Variants in KCTD9 observed in about 807,000 individuals in gnomAD.
The protein encoded by KCTD9 is potassium channel tetramerization domain containing 9.
In KCTD9, 17 loss-of-function variants were observed where a neutral mutation model predicts 53.3. The ratio of observed to expected loss-of-function variants is 0.32; its 90% CI spans 0.22 to 0.48. The LOEUF (loss-of-function observed/expected upper bound fraction) is 0.48, where lower values mean the gene tolerates loss of function less well. Ranked by LOEUF, KCTD9 falls within the 20% of genes least tolerant of loss-of-function variation. KCTD9 has a pLI of 0.99. For synonymous variants in KCTD9, 128 were observed against 162.7 expected, an observed-to-expected ratio of 0.79 and a Z score of 1.62; for missense variants, 179 against 465.5, an observed-to-expected ratio of 0.38 and a Z score of 5.66.
At position 25,428,030 on chromosome 8, in the gene KCTD9, CA is replaced by C. The variant is rs1274473091; in HGVS notation, c.*1826del. On this transcript the variant is annotated 3_prime_UTR_variant, in exon 12 of 12. Coordinates refer to ENST00000221200, the MANE Select transcript of KCTD9 (RefSeq NM_017634.4). ...AGGAAGAGAAGAAACTCCTTTTCAA[CA>C]AACACTTTATATCATTTATTAATGC... 1 of 152,430 alleles carries C rather than the reference CA, an allele frequency of 6.6e-6. No homozygotes were observed. Among genetic ancestry groups the C allele is most frequent in the Non-Finnish European group, 1.5e-5 (1 of 67,998 alleles). 9.4% of individuals were successfully genotyped at this position (152,430 alleles called of 1,614,324 possible).
intron 3 of KCTD9, among the ~76,000 whole-genome samples, chr8:25,441,398 A>G (rs1802119045): frequency 6.6e-6 from 1 of 152,174 alleles, no homozygotes; most frequent in Non-Finnish European, 1.5e-5. Context: ...AAATGTTAAT[A>G]CAAAAGTGTT....
rs1801949347 is a variant in KCTD9, at chr8:25,432,490, G to A, written c.1053+14C>T. 1 of 1,608,180 alleles carries A rather than the reference G, an allele frequency of 6.2e-7. No homozygotes were observed. Among genetic ancestry groups the A allele is most frequent in the Non-Finnish European group, 8.5e-7 (1 of 1,177,500 alleles). ...CTAGAGTAATAAAAATTCTTAAAGT[G>A]TTGGTGAACTCACCTCTAAATCAGT... On this transcript the variant is annotated intron_variant, in intron 11 of 11. Transcript: ENST00000221200.
chr8:25,450,858 A>AG (rs1041085611), intron 1 of KCTD9, among the ~76,000 whole-genome samples: 3 of 152,188 alleles, frequency 2.0e-5, no homozygotes, highest in Non-Finnish European at 4.4e-5. Flanking sequence ...TTTTGTAATA[A>AG]GGGGGGAAGT....
At chr8:25,438,044 C>G (rs968196385) in intron 6 of KCTD9, among the ~76,000 whole-genome samples, 5 of 151,894 alleles carry the variant, frequency 3.3e-5, no homozygotes, top group Non-Finnish European at 5.9e-5. Flanking sequence ...AAAATGAATC[C>G]AGCAGAGAGC....
chr8:25,445,941 C>G, intron 2 of KCTD9, 188 bp downstream of exon 2: 1 of 577,492 alleles, frequency 1.7e-6, no homozygotes. Flanking sequence ...CTGAAATGTA[C>G]TAAGGGTTTT....
intron 1 of KCTD9, among the ~76,000 whole-genome samples, chr8:25,449,436 G>A (rs924248178): frequency 6.6e-6 from 1 of 152,106 alleles, no homozygotes; most frequent in African/African-American, 2.4e-5. Flanking sequence ...ATAGATGCAA[G>A]TTGAATGCAC....
intron 2 of KCTD9, 103 bp downstream of exon 2, chr8:25,446,026 A>G (rs1384437931): frequency 2.8e-6 from 4 of 1,449,206 alleles, no homozygotes; most frequent in Non-Finnish European, 3.7e-6. Flanking sequence ...ACTTGCCAAA[A>G]TCCTGTACTC....
intron 6 of KCTD9, among the ~76,000 whole-genome samples, chr8:25,438,489 G>A (rs1211360593): frequency 1.3e-5 from 2 of 152,150 alleles, no homozygotes; most frequent in South Asian, 4.1e-4. Flanking sequence ...TAAAATTTTA[G>A]ATACCCAGGT....
chr8:25,439,035 G>C (rs936605199), intron 6 of KCTD9, among the ~76,000 whole-genome samples: 9 of 152,148 alleles, frequency 5.9e-5, no homozygotes, highest in Non-Finnish European at 1.2e-4. Context: ...TGATGCGTAT[G>C]GCTTACATAT....
At chr8:25,445,298 C>G (rs369043890) in intron 2 of KCTD9, among the ~76,000 whole-genome samples, 1 of 152,122 alleles carries the variant, frequency 6.6e-6, no homozygotes, top group African/African-American at 2.4e-5. Context: ...ACAGGTAATT[C>G]GTTTCCTCAT....
chr8:25,454,288 C>T (rs1266855557), intron 1 of KCTD9, among the ~76,000 whole-genome samples: 1 of 152,204 alleles, frequency 6.6e-6, no homozygotes, highest in Non-Finnish European at 1.5e-5. Flanking sequence ...ACCCTGTTTG[C>T]CATGTTTGGC....
intron 9 of KCTD9, among the ~76,000 whole-genome samples, chr8:25,434,296 C>T (rs1365563094): frequency 2.0e-5 from 3 of 152,218 alleles, no homozygotes; most frequent in East Asian, 1.9e-4. Flanking sequence ...GACGGGGTTT[C>T]GCCATGTTGG....
At chr8:25,445,422 C>A (rs1004569273) in intron 2 of KCTD9, among the ~76,000 whole-genome samples, 5 of 152,120 alleles carry the variant, frequency 3.3e-5, no homozygotes, top group African/African-American at 1.2e-4. Context: ...GTTAAAGCAT[C>A]ATTATCTTCA....
At chr8:25,448,685 CGGAT>C (rs1802261491) in intron 1 of KCTD9, among the ~76,000 whole-genome samples, 1 of 152,044 alleles carries the variant, frequency 6.6e-6, no homozygotes, top group Non-Finnish European at 1.5e-5. Context: ...GAGGCTGAGG[CGGAT>C]GGATTGCTTA....
At chr8:25,434,609 T>C (rs760351981) in intron 9 of KCTD9, among the ~76,000 whole-genome samples, 1 of 152,186 alleles carries the variant, frequency 6.6e-6, no homozygotes, top group Non-Finnish European at 1.5e-5. Context: ...CTAAAATGCA[T>C]ATTTGGTAGA....
intron 1 of KCTD9, among the ~76,000 whole-genome samples, chr8:25,446,749 T>C (rs937686879): frequency 6.6e-6 from 1 of 152,242 alleles, no homozygotes; most frequent in Non-Finnish European, 1.5e-5. Flanking sequence ...GGTTCATCCT[T>C]AGAACAGGAG....
At chr8:25,441,758 G>A (rs537335648) in intron 3 of KCTD9, among the ~76,000 whole-genome samples, 3 of 152,248 alleles carry the variant, frequency 2.0e-5, no homozygotes, top group South Asian at 2.1e-4. Flanking sequence ...CTGGGAGGCC[G>A]AGGCGGGTGG....
Position 25,428,233 on chromosome 8 carries a change from TATTG to T in KCTD9, c.*1620_*1623del, listed in dbSNP as rs994110123. The T allele has an allele frequency of 3.3e-5, 5 of 152,646 alleles. No homozygotes were observed. Among genetic ancestry groups the T allele is most frequent in the African/African-American group, 1.2e-4 (5 of 41,456 alleles). 9.5% of individuals were successfully genotyped at this position (152,646 alleles called of 1,614,324 possible). ...ATGATTTAAATATAATTTAGGCACATATTGATTATGAAAATAGATTATCTCTCAA... is the reference window on the plus strand; with the variant it reads ...ATGATTTAAATATAATTTAGGCACATATTATGAAAATAGATTATCTCTCAA... On this transcript the variant is annotated 3_prime_UTR_variant, in exon 12 of 12. Transcript: ENST00000221200.
Position 25,436,240 on chromosome 8 carries a change from A to G in KCTD9, c.658T>C (p.Cys220Arg). The G allele has an allele frequency of 6.3e-7, 1 of 1,585,722 alleles. No homozygotes were observed. Among genetic ancestry groups the G allele is most frequent in the East Asian group, 2.2e-5 (1 of 44,728 alleles). ...TGTAAAAGCCTGCTAATTACCTGGC[A>G]TCGCAGTTCTGACTTGGTTGGAGTT... ...LATPTKSELRCQGLNFSGADL... is the reference protein window; with the variant it reads ...LATPTKSELRRQGLNFSGADL... Residue 220 changes from cysteine (C) to arginine (R), a missense_variant, in exon 8 of 12, where the codon TGC (cysteine) becomes CGC (arginine). Around this residue, in one of 4 missense-constraint regions of KCTD9, gnomAD observed 2 missense variants for 25.8 expected, o/e 0.08. Coordinates refer to ENST00000221200, the MANE Select transcript of KCTD9 (RefSeq NM_017634.4).
Sources: gnomAD v4.1 joint callset for allele counts (sites outside exome capture counted in the v4.1 genomes callset) on GRCh38, gnomAD v4.1.1 for gene constraint, gnomAD v4.1.1 regional missense constraint, MANE v1.5 for transcripts, NCBI Gene and HGNC (gene_info 2026-07-23, HGNC 2026-07-21) for gene names.